The following FOXP2 variants were observed in gnomAD, a reference collection of about 807,000 sequenced individuals.
FOXP2 encodes forkhead box protein P2.
In FOXP2, 12 loss-of-function variants were observed where a neutral mutation model predicts 115.8. The ratio of observed to expected loss-of-function variants is 0.10; its 90% confidence interval spans 0.07 to 0.17. The LOEUF (loss-of-function observed/expected upper bound fraction) is 0.17, where lower values mean the gene tolerates loss of function less well. Among genes scored for constraint, FOXP2 ranks in the 10% least tolerant of loss-of-function variants. The pLI is 1.00. For synonymous variants in FOXP2, 328 were observed against 297.7 expected (o/e 1.10, Z -1.05); for missense variants, 629 against 843.5 (o/e 0.75, Z 3.15).
chr7:114,540,057 A>G (rs1229649020), intron 3 of FOXP2, among the ~76,000 whole-genome samples: 1 of 152,010 alleles, frequency 6.6e-6, no homozygotes, highest in Non-Finnish European at 1.5e-5. Context: ...AATAATTACC[A>G]TTATGCTAGC....
chr7:114,120,263 A>G (rs1791522446), intron 1 of FOXP2, among the ~76,000 whole-genome samples: 1 of 152,164 alleles, frequency 6.6e-6, no homozygotes, highest in South Asian at 2.1e-4. Flanking sequence ...AGTGTGGCTC[A>G]CATACCACAT....
chr7:114,201,982 C>G (rs545490702), intron 1 of FOXP2, among the ~76,000 whole-genome samples: 1 of 152,316 alleles, frequency 6.6e-6, no homozygotes, highest in Admixed American at 6.5e-5. Context: ...GGAAACTATA[C>G]TCTGTCTGCC....
chr7:114,393,991 TGTGTGTGTGTGTGTGAGAGA>T (rs1792674360), intron 2 of FOXP2, among the ~76,000 whole-genome samples: 2 of 16,854 alleles, frequency 1.2e-4, no homozygotes, highest in African/African-American at 2.0e-4. Flanking sequence ...AGTGTGTGTG[TGTGTGTGTGTGTGTGAGAGA>T]GAGAGAGAGA....
At chr7:114,119,327 A>G (rs1019063947) in intron 1 of FOXP2, among the ~76,000 whole-genome samples, 1 of 152,158 alleles carries the variant, frequency 6.6e-6, no homozygotes, top group African/African-American at 2.4e-5. Flanking sequence ...ATGTTTTGTT[A>G]TTGTATCAGC....
intron 3 of FOXP2, among the ~76,000 whole-genome samples, chr7:114,601,437 G>A (rs1803018778): frequency 1.3e-5 from 2 of 152,012 alleles, no homozygotes; most frequent in South Asian, 4.1e-4. Context: ...ATAGTTTTAT[G>A]CTTTACATTA....
At chr7:114,254,458 A>G (rs1002326207) in intron 1 of FOXP2, among the ~76,000 whole-genome samples, 6 of 152,186 alleles carry the variant, frequency 3.9e-5, no homozygotes, top group South Asian at 2.1e-4. Flanking sequence ...GTCTTTTCAC[A>G]TAGTCCCATA....
chr7:114,480,358 A>C (rs1039690627), intron 2 of FOXP2, among the ~76,000 whole-genome samples: 2 of 151,676 alleles, frequency 1.3e-5, no homozygotes, highest in East Asian at 1.9e-4. Context: ...CAAAATCACT[A>C]CTGGAAAGTT....
chr7:114,216,416 C>T (rs889653079), intron 1 of FOXP2, among the ~76,000 whole-genome samples: 1 of 152,090 alleles, frequency 6.6e-6, no homozygotes, highest in African/African-American at 2.4e-5. Context: ...GTAGTTGACA[C>T]TGAACTGATC....
At chr7:114,430,441 G>GT (rs1386120937) in intron 2 of FOXP2, among the ~76,000 whole-genome samples, 1 of 151,676 alleles carries the variant, frequency 6.6e-6, no homozygotes, top group Non-Finnish European at 1.5e-5. Context: ...TTATTAAACT[G>GT]TCACATAGGC....
chr7:114,602,089 A>T (rs1327837908), intron 3 of FOXP2, among the ~76,000 whole-genome samples: 1 of 151,910 alleles, frequency 6.6e-6, no homozygotes, highest in Non-Finnish European at 1.5e-5. Context: ...AGGTTTTAAA[A>T]TCCCCTACTT....
At chr7:114,686,711 G>A (rs931070809) in intron 16 of FOXP2, among the ~76,000 whole-genome samples, 32 of 151,936 alleles carry the variant, frequency 2.1e-4, no homozygotes, top group Non-Finnish European at 2.4e-4. Flanking sequence ...TCTCTATAAG[G>A]ACATCTGGAA....
At chr7:114,642,303 G>T in intron 6 of FOXP2, 107 bp from the exon 7 acceptor site, 3 of 843,046 alleles carry the variant, frequency 3.6e-6, no homozygotes, top group Middle Eastern at 3.3e-4. Context: ...ATTTATGCAG[G>T]TAACATCACT....
intron 2 of FOXP2, among the ~76,000 whole-genome samples, chr7:114,471,243 A>G (rs570614361): frequency 6.6e-6 from 1 of 152,314 alleles, no homozygotes; most frequent in African/African-American, 2.4e-5. Flanking sequence ...ATTGTCATAA[A>G]TTATGAAAAA....
chr7:114,602,114 T>A (rs1379938816), intron 3 of FOXP2, among the ~76,000 whole-genome samples: 1 of 152,058 alleles, frequency 6.6e-6, no homozygotes, highest in East Asian at 1.9e-4. Flanking sequence ...TGTATATTTG[T>A]TTTTCCTTTC....
At chr7:114,337,679 T>C (rs1797887936) in intron 2 of FOXP2, among the ~76,000 whole-genome samples, 1 of 151,236 alleles carries the variant, frequency 6.6e-6, no homozygotes, top group Admixed American at 6.6e-5. Context: ...ATAATTATTG[T>C]AAATATTAAT....
chr7:114,334,937 A>ATC lies in FOXP2; in HGVS notation c.-11+46829_-11+46830insCT, dbSNP rs529531234. Among the ~76,000 whole-genome samples, 6 of 142,076 alleles carry ATC rather than the reference A, an allele frequency of 4.2e-5. No individual in the cohort carries two copies. The South Asian group carries it at 1.3e-3, about 31-fold the overall frequency. The allele number at this position is 142,076 out of a possible 152,430, so 93.2% of individuals were successfully genotyped here. On this transcript the variant is annotated intron_variant, in intron 2 of 17. Coordinates refer to the FOXP2 transcript ENST00000634411. ...ATTTTATATATATAGAAATCTATAT[A>ATC]TATATATATATATATATATATAGAA...
At chr7:114,383,181 A>G (rs1792351728) in intron 2 of FOXP2, among the ~76,000 whole-genome samples, 1 of 152,200 alleles carries the variant, frequency 6.6e-6, no homozygotes, top group Non-Finnish European at 1.5e-5. Context: ...TGTCAGATTA[A>G]AGGATTGTCC....
chr7:114,642,599 C>T lies in FOXP2; in HGVS notation c.965C>T (p.Ser322Leu). The T allele has an allele frequency of 6.2e-7, 1 of 1,613,582 alleles. No homozygotes were observed. The highest frequency in any genetic ancestry group is 8.5e-7 in the Non-Finnish European group (1 of 1,179,816). Reference sequence around the variant, plus strand: ...CATTCCATAGTGAATGGACAGTCTTCAGTTCTAAGTGCAAGACGAGACAGG... The same window carrying T: ...CATTCCATAGTGAATGGACAGTCTTTAGTTCTAAGTGCAAGACGAGACAGG... Reference protein sequence around the residue: ...THHSIVNGQSSVLSARRDSSS... With the variant: ...THHSIVNGQSLVLSARRDSSS... Residue 322 changes from serine to leucine, a missense_variant, in exon 7 of 17, where the codon TCA becomes TTA. Physicochemically the swap from Ser to Leu is moderately radical, Grantham distance 145 (BLOSUM62 -2). Transcript: ENST00000350908.
intron 1 of FOXP2, among the ~76,000 whole-genome samples, chr7:114,249,234 G>T (rs1273715802): frequency 2.0e-5 from 3 of 152,006 alleles, no homozygotes; most frequent in Non-Finnish European, 4.4e-5. Flanking sequence ...AAGTTCTGAG[G>T]TACATGTGCA....
Sources: gnomAD v4.1 joint callset for allele counts (sites outside exome capture counted in the v4.1 genomes callset) on GRCh38, gnomAD v4.1.1 for gene constraint, MANE v1.5 for transcripts, NCBI Gene and HGNC (gene_info 2026-07-23, HGNC 2026-07-21) for gene names.